Variants in ELOVL2 observed in about 807,000 individuals in gnomAD.
The protein encoded by ELOVL2 is ELOVL fatty acid elongase 2, also known as very long chain fatty acid elongase 2.
In ELOVL2, 38 loss-of-function variants were observed where a neutral mutation model predicts 37.7. The ratio of observed to expected loss-of-function variants is 1.01; its 90% CI spans 0.78 to 1.32. The LOEUF is 1.32. ELOVL2 is among the 40% of genes most tolerant of loss of function. The probability of loss-of-function intolerance (pLI) is 0.00; values close to 1 mark genes in which losing one functional copy is unlikely to be tolerated. For synonymous variants in ELOVL2, 115 were observed against 122.3 expected, an observed-to-expected ratio of 0.94 and a Z score of 0.40; for missense variants, 352 against 363.6, an observed-to-expected ratio of 0.97 and a Z score of 0.26.
Position 11,044,164 on chromosome 6 carries a change from G to A in ELOVL2, c.3+64C>T. 3.5e-6 allele frequency: 5 copies of A among 1,440,464 alleles called. No homozygotes were observed. The highest frequency in any genetic ancestry group is 4.6e-6 in the Non-Finnish European group (5 of 1,093,518). The allele number at this position is 1,440,464 out of a possible 1,614,324, so 89.2% of individuals were successfully genotyped here. On this transcript the variant is annotated intron_variant, in intron 1 of 7. Coordinates refer to ENST00000354666, the MANE Select transcript of ELOVL2 (RefSeq NM_017770.4). This position sits in a 1 kb window ranked among gnomAD's most constrained non-coding sequence, Gnocchi z 5.6. ...CGCCCGCTCGGCCCTTTCCCGCCCG[G>A]TGCGTGGGTCCAGGAGAGAAAGAAA... is the stretch of plus-strand genomic sequence containing the variant.
chr6:11,028,656 C>CG (rs1034726305), intron 1 of ELOVL2, among the ~76,000 whole-genome samples: 2 of 147,890 alleles, frequency 1.4e-5, no homozygotes, highest in African/African-American at 5.3e-5. Flanking sequence ...AGAGTTGCCC[C>CG]CCATCACTGA....
rs1228631398 is a variant in ELOVL2 at position 10,990,325 on chromosome 6, G to T, written c.623C>A (p.Ala208Asp). 6.2e-7 allele frequency: 1 copy of T among 1,611,990 alleles called. No homozygotes were observed. The highest frequency in any genetic ancestry group is 8.5e-7 in the Non-Finnish European group (1 of 1,179,392). The change falls in exon 6 of 8, where the codon GCT (alanine) becomes GAT (aspartate). Residue 208 changes from alanine to aspartate, a missense_variant. Physicochemically the swap from Ala to Asp is moderately radical, Grantham distance 126. Transcript: ENST00000354666. ...YLWWKKYLTQ[A>D]QLVQFVLTIT... ...AAAGAAGGGACAACATACCAGCTGA[G>T]CCTGTGTGAGATATTTCTTCCACCA...
chr6:11,021,722 A>T (rs528397318), intron 1 of ELOVL2, among the ~76,000 whole-genome samples: 2 of 152,330 alleles, frequency 1.3e-5, no homozygotes, highest in Admixed American at 1.3e-4. Flanking sequence ...AAAATTATTA[A>T]TATCATTAAT....
At chr6:10,989,620 T>C (rs1447392562) in intron 7 of ELOVL2, 83 bp downstream of exon 7, 23 of 1,403,276 alleles carry the variant, frequency 1.6e-5, no homozygotes, top group Non-Finnish European at 9.8e-7. Context: ...GCCTGGGCAA[T>C]AAGAGCGAAA....
intron 1 of ELOVL2, among the ~76,000 whole-genome samples, chr6:11,037,146 C>G (rs1480119748): frequency 2.3e-5 from 3 of 128,822 alleles, no homozygotes; most frequent in African/African-American, 9.1e-5. Flanking sequence ...GAGAGAGAGA[C>G]AGAGAGGCAG....
chr6:11,037,297 A>G (rs1783026356), intron 1 of ELOVL2, among the ~76,000 whole-genome samples: 1 of 152,070 alleles, frequency 6.6e-6, no homozygotes, highest in South Asian at 2.1e-4. Flanking sequence ...CCTCAGTGTA[A>G]TGGTCAATGA....
intron 5 of ELOVL2, among the ~76,000 whole-genome samples, chr6:10,994,312 C>CA (rs1484086308): frequency 2.0e-5 from 3 of 151,520 alleles, no homozygotes; most frequent in African/African-American, 7.3e-5. Flanking sequence ...ACTAAAAATA[C>CA]AAAAAATTAG....
rs1561709362 is a variant in ELOVL2 at position 10,982,543 on chromosome 6, A to G, written c.*1238T>C. The G allele has an allele frequency of 6.6e-6, 1 of 152,192 alleles. No homozygotes were observed. 9.4% of individuals were successfully genotyped at this position (152,192 alleles called of 1,614,324 possible). ...CCATTCTTGGTAGAGTTTAGTAGTG[A>G]GTAACAGTCCTGCACTTATGGAGAA... On this transcript the variant is annotated 3_prime_UTR_variant, in exon 8 of 8. Transcript: ENST00000354666.
chr6:10,990,387 A>G lies in ELOVL2; in HGVS notation c.561T>C (p.Tyr187=). 1 of 1,612,572 alleles carries G rather than the reference A, an allele frequency of 6.2e-7. No individual in the cohort carries two copies. The highest frequency in any genetic ancestry group is 1.3e-5 in the African/African-American group (1 of 75,026). Residue 187 remains tyrosine, a synonymous_variant, in exon 6 of 8, where the codon TAT becomes TAC. Coordinates refer to ENST00000354666, the MANE Select transcript of ELOVL2 (RefSeq NM_017770.4). ...SFIHILMYSY[Y]GLSVFPSMHK... is the part of the protein sequence containing the mutation. ...GCATAGATGGAAACACAGAAAGTCC[A>G]TAGTAGGAGTACATAAGAATGTGGA...
intron 1 of ELOVL2, among the ~76,000 whole-genome samples, chr6:11,020,584 A>G (rs1319156994): frequency 6.6e-6 from 1 of 152,200 alleles, no homozygotes; most frequent in Non-Finnish European, 1.5e-5. Flanking sequence ...TAGTTACTCC[A>G]TTCTGCTTTA....
intron 1 of ELOVL2, among the ~76,000 whole-genome samples, chr6:11,026,608 G>A (rs1270776491): frequency 1.3e-5 from 2 of 151,966 alleles, no homozygotes; most frequent in South Asian, 2.1e-4. Context: ...TGTTTCACTC[G>A]ACTAACTAGG....
intron 1 of ELOVL2, among the ~76,000 whole-genome samples, chr6:11,023,913 C>A (rs781312204): frequency 5.9e-5 from 9 of 152,172 alleles, no homozygotes; most frequent in Non-Finnish European, 1.0e-4. Flanking sequence ...TATACTTGGC[C>A]TCTATGATGG....
At chr6:10,992,773 C>T (rs1450490228) in intron 5 of ELOVL2, among the ~76,000 whole-genome samples, 6 of 143,546 alleles carry the variant, frequency 4.2e-5, no homozygotes, top group Middle Eastern at 3.5e-3. Context: ...GGCGACAGGG[C>T]GGGACTCCAT....
intron 3 of ELOVL2, among the ~76,000 whole-genome samples, chr6:11,000,988 T>C (rs1782369494): frequency 6.6e-6 from 1 of 152,220 alleles, no homozygotes; most frequent in South Asian, 2.1e-4. Flanking sequence ...GTTTTCTCCC[T>C]GTAAAAAGTT....
intron 7 of ELOVL2, among the ~76,000 whole-genome samples, chr6:10,987,887 C>CTT (rs201001533): frequency 1.8e-4 from 26 of 144,806 alleles, no homozygotes; most frequent in Admixed American, 4.2e-4. Flanking sequence ...CTCATTTTCA[C>CTT]TTTTTTTTTT....
At chr6:11,010,595 T>C (rs1247455665) in intron 2 of ELOVL2, 151 bp downstream of exon 2, 1 of 690,960 alleles carries the variant, frequency 1.4e-6, no homozygotes, top group African/African-American at 1.8e-5. Flanking sequence ...CTGGACATTC[T>C]GGAAGGATAT....
intron 7 of ELOVL2, among the ~76,000 whole-genome samples, chr6:10,989,126 C>T (rs1004461905): frequency 2.0e-5 from 3 of 152,192 alleles, no homozygotes; most frequent in African/African-American, 4.8e-5. Flanking sequence ...AAATTGAGAA[C>T]TGTATATATA....
chr6:10,981,521 T>G lies in ELOVL2; in HGVS notation c.*2260A>C, dbSNP rs1476835280. On this transcript the variant is annotated 3_prime_UTR_variant, in exon 8 of 8. Transcript: ENST00000354666. ...CCAAATTGGAAATACACATCATGAA[T>G]GAAACCTCTCTCTAGTCACTGGCAT... 1 of 152,664 alleles carries G rather than the reference T, an allele frequency of 6.6e-6. No homozygotes were observed. Among genetic ancestry groups the G allele is most frequent in the Non-Finnish European group, 1.5e-5 (1 of 68,044 alleles). The allele number at this position is 152,664 out of a possible 1,614,324, so 9.5% of individuals were successfully genotyped here.
At chr6:11,034,431 C>T (rs1159994694) in intron 1 of ELOVL2, among the ~76,000 whole-genome samples, 1 of 145,226 alleles carries the variant, frequency 6.9e-6, no homozygotes, top group Non-Finnish European at 1.5e-5. Context: ...GCCTGTAATC[C>T]CAGCACTTTG....
Sources: gnomAD v4.1 joint callset for allele counts (sites outside exome capture counted in the v4.1 genomes callset) on GRCh38, gnomAD v4.1.1 for gene constraint, Gnocchi (gnomAD v3.1) non-coding constraint, MANE v1.5 for transcripts, NCBI Gene and HGNC (gene_info 2026-07-23, HGNC 2026-07-21) for gene names.